Variants in TOX2 observed in about 807,000 individuals in gnomAD.
TOX2 encodes the protein TOX high mobility group box family member 2, also known as granulosa cell HMG box 1.
A neutral mutation model predicts 47.4 loss-of-function variants in TOX2; 15 were observed. The ratio of observed to expected loss-of-function variants is 0.32; its 90% CI spans 0.21 to 0.49. The LOEUF is 0.49. TOX2 is among the 20% of genes least tolerant of loss of function. The pLI is 0.99. For synonymous variants in TOX2, 290 were observed against 296.6 expected, an observed-to-expected ratio of 0.98 and a Z score of 0.23; for missense variants, 622 against 673.1, an observed-to-expected ratio of 0.92 and a Z score of 0.84.
intron 3 of TOX2, among the ~76,000 whole-genome samples, chr20:44,020,347 C>T (rs959037030): frequency 6.6e-6 from 1 of 152,192 alleles, no homozygotes; most frequent in Non-Finnish European, 1.5e-5. Context: ...ATACCTAATG[C>T]ATGCGGGGCT....
At chr20:44,051,845 G>C (rs1246169826) in intron 4 of TOX2, among the ~76,000 whole-genome samples, 2 of 152,224 alleles carry the variant, frequency 1.3e-5, no homozygotes, top group Non-Finnish European at 2.9e-5. Flanking sequence ...GTGGCATCGG[G>C]CTTTGGCTGC....
chr20:44,064,792 A>G lies in TOX2; in HGVS notation c.895A>G (p.Thr299Ala), dbSNP rs759648221. 6.2e-7 allele frequency: 1 copy of G among 1,614,192 alleles called. No homozygotes were observed. Among genetic ancestry groups the G allele is most frequent in the South Asian group, 1.1e-5 (1 of 91,086 alleles). The change falls in exon 6 of 9, where the codon ACA becomes GCA. Residue 299 changes from threonine to alanine, a missense_variant. Around this residue, in one of 3 missense-constraint regions of TOX2, gnomAD observed 294 missense variants for 300.0 expected, o/e 0.98. Transcript: ENST00000341197. ...EEQKQAYKRK[T>A]EAAKKEYLKA... Reference sequence around the variant, plus strand: ...ACTCTTCCAGGCCTACAAGAGGAAGACAGAAGCAGCAAAGAAGGAATATCT... The same window carrying G: ...ACTCTTCCAGGCCTACAAGAGGAAGGCAGAAGCAGCAAAGAAGGAATATCT...
intron 1 of TOX2, among the ~76,000 whole-genome samples, chr20:43,932,440 G>A (rs538832811): frequency 7.2e-5 from 11 of 152,238 alleles, no homozygotes; most frequent in African/African-American, 2.6e-4. Context: ...AAATGCCTTC[G>A]GTAATATCTT....
chr20:44,015,970 A>C (rs115425292), intron 3 of TOX2, among the ~76,000 whole-genome samples: 1,557 of 152,250 alleles, frequency 0.01, 27 homozygotes, highest in African/African-American at 0.035. Context: ...TGTGAACAGG[A>C]TCACGTTTGT....
rs1052858829 is a variant in TOX2, at chr20:43,989,794, A to C, written c.165+16362A>C. Among the ~76,000 whole-genome samples, 4 of 151,900 alleles carry C rather than the reference A, an allele frequency of 2.6e-5. No homozygotes were observed. In the East Asian group the frequency reaches 7.7e-4, roughly 29 times the overall value. ...GACTCTGTCTCAGAAAAAAAAAAAAAAAACCCACCCAGCATATATTAATCA... is the reference window on the plus strand; with the variant it reads ...GACTCTGTCTCAGAAAAAAAAAAAACAAACCCACCCAGCATATATTAATCA... On this transcript the variant is annotated intron_variant, in intron 2 of 8. Coordinates refer to ENST00000341197, the MANE Select transcript of TOX2 (RefSeq NM_001098797.2).
chr20:44,022,824 A>C (rs73292469), intron 3 of TOX2, among the ~76,000 whole-genome samples: 2,048 of 152,246 alleles, frequency 0.013, 35 homozygotes, highest in African/African-American at 0.046. Context: ...GTGACCCCTG[A>C]GTGGGGTGTC....
At chr20:44,061,637 G>C (rs1435225746) in intron 5 of TOX2, among the ~76,000 whole-genome samples, 1 of 151,984 alleles carries the variant, frequency 6.6e-6, no homozygotes, top group Non-Finnish European at 1.5e-5. Context: ...ACAAGAGAAA[G>C]AAAGAGCATC....
In TOX2 at chr20:43,965,124, G is replaced by C. The variant is rs79999359; in HGVS notation, c.100-8243G>C. Among the ~76,000 whole-genome samples the C allele has an allele frequency of 3.1e-4, 47 of 152,280 alleles. 2 individuals carry two copies. In the East Asian group the frequency reaches 9.1e-3, roughly 29 times the overall value. ...AGAGGCTGATCTTTTCAGGGTTTGG[G>C]GAAGCATGGGGTCCTGGGATAGGAG... On this transcript the variant is annotated intron_variant, in intron 1 of 8. Coordinates refer to ENST00000341197, the MANE Select transcript of TOX2 (RefSeq NM_001098797.2).
intron 2 of TOX2, among the ~76,000 whole-genome samples, chr20:43,980,018 A>G (rs1306845350): frequency 6.6e-6 from 1 of 152,232 alleles, no homozygotes; most frequent in Non-Finnish European, 1.5e-5. Flanking sequence ...CAGCAATCCA[A>G]CTGCTGGGTA....
chr20:43,996,877 T>C (rs1018229668), intron 2 of TOX2, among the ~76,000 whole-genome samples: 2 of 152,108 alleles, frequency 1.3e-5, no homozygotes, highest in Non-Finnish European at 2.9e-5. Flanking sequence ...TAACTCTCAA[T>C]ACATGAGAGT....
rs112601635 is a variant in TOX2 at position 43,945,809 on chromosome 20, G to C, written c.100-27558G>C. ...CATTTCACCTTATACGAATGGGATG[G>C]GGGGTGGGGGTGCTGGGCCTCCAGC... On this transcript the variant is annotated intron_variant, in intron 1 of 8. Coordinates refer to ENST00000341197, the MANE Select transcript of TOX2 (RefSeq NM_001098797.2). The C allele has an allele frequency of 3.4e-4, 503 of 1,490,996 alleles. 4 individuals carry two copies. The African/African-American group carries it at 5.6e-3, about 17-fold the overall frequency. The allele number at this position is 1,490,996 out of a possible 1,614,324, so 92.4% of individuals were successfully genotyped here.
chr20:43,955,831 C>T (rs900740408), intron 1 of TOX2, among the ~76,000 whole-genome samples: 7 of 152,212 alleles, frequency 4.6e-5, no homozygotes, highest in African/African-American at 1.7e-4. Flanking sequence ...AAGCCCTGCT[C>T]AGACTCCCGT....
intron 1 of TOX2, among the ~76,000 whole-genome samples, chr20:43,947,915 G>A (rs2069499361): frequency 6.6e-6 from 1 of 152,124 alleles, no homozygotes; most frequent in Non-Finnish European, 1.5e-5. Context: ...GCTGAGAATT[G>A]CACCCTCACA....
intron 1 of TOX2, among the ~76,000 whole-genome samples, chr20:43,963,682 A>G (rs2069801125): frequency 1.3e-5 from 2 of 152,254 alleles, no homozygotes; most frequent in Non-Finnish European, 2.9e-5. Context: ...CAATCAGGAG[A>G]AAAACATTTT....
intron 5 of TOX2, among the ~76,000 whole-genome samples, chr20:44,061,129 T>G (rs1365612962): frequency 6.6e-6 from 1 of 151,940 alleles, no homozygotes; most frequent in Non-Finnish European, 1.5e-5. Context: ...CACCTTTATG[T>G]ACATAAACTA....
At chr20:44,008,868 G>T (rs1326506724) in intron 3 of TOX2, among the ~76,000 whole-genome samples, 2 of 152,244 alleles carry the variant, frequency 1.3e-5, no homozygotes, top group African/African-American at 4.8e-5. Context: ...AACCCCACCA[G>T]TGTCACAAGG....
intron 3 of TOX2, among the ~76,000 whole-genome samples, chr20:44,044,285 G>A (rs987794109): frequency 6.6e-6 from 1 of 152,022 alleles, no homozygotes; most frequent in Non-Finnish European, 1.5e-5. Flanking sequence ...TGTGGGGGGC[G>A]GTTGTGGGGA....
In TOX2 at chr20:44,068,800, G is replaced by A. The variant is rs981162156; in HGVS notation, c.*114G>A. ...GCAGGGTGGCCCATCGGAGAGAGCA[G>A]TGACACACCCATTGCCCGGGGGCTG... On this transcript the variant is annotated 3_prime_UTR_variant, in exon 9 of 9. Coordinates refer to ENST00000341197, the MANE Select transcript of TOX2 (RefSeq NM_001098797.2). 14 of 1,405,638 alleles carry A rather than the reference G, an allele frequency of 1.0e-5. No individual in the cohort carries two copies. Among genetic ancestry groups the A allele is most frequent in the South Asian group, 2.4e-5 (2 of 82,372 alleles). 87.1% of individuals were successfully genotyped at this position (1,405,638 alleles called of 1,614,324 possible).
At chr20:43,984,514 T>A (rs781515393) in intron 2 of TOX2, among the ~76,000 whole-genome samples, 2 of 152,336 alleles carry the variant, frequency 1.3e-5, no homozygotes, top group South Asian at 4.1e-4. Context: ...GAGTGAGTAC[T>A]TATATCTCAC....
Sources: allele counts gnomAD v4.1 joint callset (sites outside exome capture counted in the v4.1 genomes callset), GRCh38; gene constraint gnomAD v4.1.1; regional missense constraint gnomAD v4.1.1; transcripts MANE v1.5; gene names NCBI Gene and HGNC (gene_info 2026-07-23, HGNC 2026-07-21).